The following TSHZ2 variants were observed in gnomAD, a reference collection of about 807,000 sequenced individuals.
TSHZ2 encodes the protein teashirt homolog 2.
In TSHZ2, 21 loss-of-function variants were observed where a neutral mutation model predicts 74.4. That is an observed-to-expected ratio of 0.28 (90% CI 0.20 to 0.41). The LOEUF is 0.41. Ranked by LOEUF, TSHZ2 falls within the 10% of genes least tolerant of loss-of-function variation. The pLI is 1.00. For missense variants in TSHZ2, 1,244 were observed against 1,293.5 expected (o/e 0.96, Z 0.59); for synonymous variants, 540 against 515.3 (o/e 1.05, Z -0.65).
intron 2 of TSHZ2, among the ~76,000 whole-genome samples, chr20:53,284,822 C>T (rs1197845376): frequency 1.4e-5 from 2 of 142,280 alleles, no homozygotes; most frequent in Non-Finnish European, 1.5e-5. Context: ...TTCAGTAAAA[C>T]GATTAATGTC....
chr20:53,261,259 T>C (rs976414737), intron 2 of TSHZ2, among the ~76,000 whole-genome samples: 9 of 152,164 alleles, frequency 5.9e-5, no homozygotes, highest in African/African-American at 2.2e-4. Context: ...TTTTGGAGGC[T>C]CCAGCTATCA....
At chr20:53,205,995 T>G (rs1221058835) in intron 1 of TSHZ2, among the ~76,000 whole-genome samples, 2 of 151,992 alleles carry the variant, frequency 1.3e-5, no homozygotes, top group Non-Finnish European at 2.9e-5. Context: ...CCAAGGCGGG[T>G]GGATCACGAG....
At chr20:53,080,562 C>T (rs775411764) in intron 1 of TSHZ2, among the ~76,000 whole-genome samples, 1 of 152,182 alleles carries the variant, frequency 6.6e-6, no homozygotes, top group Non-Finnish European at 1.5e-5. Flanking sequence ...GAAAGTCTTT[C>T]ACCTCGGATG....
At chr20:53,284,008 A>T (rs1364305040) in intron 2 of TSHZ2, among the ~76,000 whole-genome samples, 1 of 152,268 alleles carries the variant, frequency 6.6e-6, no homozygotes, top group East Asian at 1.9e-4. Flanking sequence ...AGAAGGTGGC[A>T]GAAGGAAAGT....
intron 2 of TSHZ2, among the ~76,000 whole-genome samples, chr20:53,338,464 T>C (rs1980046239): frequency 6.6e-6 from 1 of 152,150 alleles, no homozygotes; most frequent in African/African-American, 2.4e-5. Flanking sequence ...CACTTTATGA[T>C]TAAATAACTT....
intron 2 of TSHZ2, among the ~76,000 whole-genome samples, chr20:53,326,132 C>T (rs1298308915): frequency 6.6e-6 from 1 of 152,202 alleles, no homozygotes; most frequent in East Asian, 1.9e-4. Flanking sequence ...ACCCCTGCTG[C>T]CTCTTTCTCG....
intron 2 of TSHZ2, among the ~76,000 whole-genome samples, chr20:53,482,845 G>A (rs1023147028): frequency 3.3e-5 from 5 of 151,960 alleles, no homozygotes; most frequent in Admixed American, 1.3e-4. Flanking sequence ...GGCAGAGGTT[G>A]TAGGGAGCCA....
rs762541686 is a variant in TSHZ2, at chr20:53,488,490, A to G, written c.*1355A>G. 1.1e-4 allele frequency: 17 copies of G among 159,438 alleles called. No homozygotes were observed. The highest frequency in any genetic ancestry group is 1.8e-4 in the Non-Finnish European group (13 of 72,744). 9.9% of individuals were successfully genotyped at this position (159,438 alleles called of 1,614,324 possible). A position where few individuals can be genotyped will look rare whatever the true frequency, so the allele number is the denominator to read the frequency against. On this transcript the variant is annotated 3_prime_UTR_variant, in exon 3 of 3. Transcript: ENST00000371497. ...ATAGATCTGTTTACTCTAGTTGAACATTTTCTATACAATTGAAAGCAACCT... is the reference window on the plus strand; with the variant it reads ...ATAGATCTGTTTACTCTAGTTGAACGTTTTCTATACAATTGAAAGCAACCT...
chr20:53,254,447 C>T lies in TSHZ2; in HGVS notation c.989C>T (p.Pro330Leu), dbSNP rs1262613621. Residue 330 changes from proline to leucine, a missense_variant, in exon 2 of 3, where the codon CCG becomes CTG. Physicochemically the swap from Pro to Leu is moderately conservative, Grantham distance 98. Around this residue, in one of 6 missense-constraint regions of TSHZ2, gnomAD observed 470 missense variants for 456.5 expected, o/e 1.03. Transcript: ENST00000371497. ...AAACGCGTTTTTGATGTCAATCGGC[C>T]GTGTTCCCCCGATTCAACCACAGGA... is the stretch of plus-strand genomic sequence containing the variant. ...AKKRVFDVNR[P>L]CSPDSTTGSF... is the part of the protein sequence containing the mutation. The T allele has an allele frequency of 2.5e-6, 4 of 1,613,578 alleles. No individual in the cohort carries two copies. The highest frequency in any genetic ancestry group is 1.1e-5 in the South Asian group (1 of 91,058).
intron 1 of TSHZ2, among the ~76,000 whole-genome samples, chr20:53,154,833 C>T (rs1490909702): frequency 6.6e-6 from 1 of 152,118 alleles, no homozygotes; most frequent in African/African-American, 2.4e-5. Context: ...AGCATAGTAT[C>T]TCCCGAATAA....
intron 1 of TSHZ2, among the ~76,000 whole-genome samples, chr20:53,107,947 T>C (rs1467725461): frequency 6.6e-6 from 1 of 152,242 alleles, no homozygotes; most frequent in Non-Finnish European, 1.5e-5. Flanking sequence ...CCTGCACTTC[T>C]TACCAGAACA....
chr20:53,353,559 G>A (rs1486393254), intron 2 of TSHZ2, among the ~76,000 whole-genome samples: 2 of 152,032 alleles, frequency 1.3e-5, no homozygotes, highest in Non-Finnish European at 2.9e-5. Flanking sequence ...GACCAAATAC[G>A]TATTTTTTCA....
intron 2 of TSHZ2, among the ~76,000 whole-genome samples, chr20:53,411,707 T>G (rs1422135690): frequency 6.6e-6 from 1 of 152,126 alleles, no homozygotes; most frequent in Non-Finnish European, 1.5e-5. Context: ...CACGTGCATG[T>G]AATCCCAGCT....
intron 2 of TSHZ2, among the ~76,000 whole-genome samples, chr20:53,266,780 T>A (rs1990726539): frequency 6.8e-6 from 1 of 147,968 alleles, no homozygotes; most frequent in Non-Finnish European, 1.5e-5. Flanking sequence ...CGATTTTTTT[T>A]TTTTTTTTTT....
intron 1 of TSHZ2, among the ~76,000 whole-genome samples, chr20:53,242,391 G>C (rs1248039623): frequency 4.6e-5 from 7 of 152,116 alleles, no homozygotes; most frequent in Non-Finnish European, 8.8e-5. Flanking sequence ...GAAGAAACCA[G>C]CTGCCAAAAA....
intron 2 of TSHZ2, among the ~76,000 whole-genome samples, chr20:53,303,468 G>C (rs1352713665): frequency 6.6e-6 from 1 of 152,196 alleles, no homozygotes; most frequent in Non-Finnish European, 1.5e-5. Context: ...GAAACACTGA[G>C]ATAAGCAGTA....
At chr20:53,462,857 C>T (rs539678900) in intron 2 of TSHZ2, among the ~76,000 whole-genome samples, 5 of 152,202 alleles carry the variant, frequency 3.3e-5, no homozygotes, top group Admixed American at 3.3e-4. Context: ...AAAAGGGATC[C>T]AAATCCAGGT....
chr20:53,103,321 C>G (rs1267830765), intron 1 of TSHZ2, among the ~76,000 whole-genome samples: 2 of 152,204 alleles, frequency 1.3e-5, no homozygotes, highest in Non-Finnish European at 2.9e-5. Flanking sequence ...AAATGCTCAG[C>G]AGACAGCAAA....
chr20:53,426,509 T>C (rs1463703707), intron 2 of TSHZ2, among the ~76,000 whole-genome samples: 1 of 152,202 alleles, frequency 6.6e-6, no homozygotes, highest in Non-Finnish European at 1.5e-5. Flanking sequence ...TGACTACTTA[T>C]CAAACTTTTT....
Sources: allele counts gnomAD v4.1 joint callset (sites outside exome capture counted in the v4.1 genomes callset), GRCh38; gene constraint gnomAD v4.1.1; regional missense constraint gnomAD v4.1.1; transcripts MANE v1.5; gene names NCBI Gene and HGNC (gene_info 2026-07-23, HGNC 2026-07-21).